RREB1: variants seen among roughly 807,000 people sequenced by gnomAD.
RREB1 encodes ras responsive element binding protein 1.
RREB1 carries 27 observed loss-of-function variants against 117.8 expected under a neutral mutation model. That is an observed-to-expected ratio of 0.23 (90% CI 0.17 to 0.32). The LOEUF (loss-of-function observed/expected upper bound fraction) is 0.32, where lower values mean the gene tolerates loss of function less well. Among genes scored for constraint, RREB1 ranks in the 10% least tolerant of loss-of-function variants. The pLI is 1.00. For synonymous variants in RREB1, 1,298 were observed against 1,026.7 expected (o/e 1.26, Z -5.05); for missense variants, 2,577 against 2,378.2 (o/e 1.08, Z -1.74).
In RREB1 at chr6:7,200,620, A is replaced by G. The variant is rs373518153; in HGVS notation, c.426-10184A>G. ...GAAAAACCTCTTGTGGCCGATGCTT[A>G]CTTTTGATTTAGAATTTCTCTCTGA... On this transcript the variant is annotated intron_variant, in intron 6 of 12. Transcript: ENST00000379938. 1.3e-4 allele frequency among the ~76,000 whole-genome samples: 20 copies of G among 152,306 alleles called. 1 individual carries two copies. In the South Asian group the frequency reaches 3.7e-3, roughly 28 times the overall value.
intron 1 of RREB1, among the ~76,000 whole-genome samples, chr6:7,121,583 TG>T: frequency 6.6e-6 from 1 of 152,226 alleles, no homozygotes; most frequent in East Asian, 1.9e-4. Flanking sequence ...TCTAATGTGT[TG>T]GGCCCTCCAC....
At chr6:7,246,294 C>G (rs1581598386) in intron 11 of RREB1, 130 bp from the exon 12 acceptor site, 4 of 743,984 alleles carry the variant, frequency 5.4e-6, no homozygotes, top group Middle Eastern at 4.1e-4. Context: ...AGGATTTGGG[C>G]CGAAAGAAGT....
At chr6:7,144,662 T>C (rs547369189) in intron 1 of RREB1, among the ~76,000 whole-genome samples, 4 of 152,176 alleles carry the variant, frequency 2.6e-5, no homozygotes, top group Non-Finnish European at 4.4e-5. Flanking sequence ...TTTTAGTTAA[T>C]GAAGTATATT....
At chr6:7,142,049 TA>T (rs5874081) in intron 1 of RREB1, among the ~76,000 whole-genome samples, 1 of 151,688 alleles carries the variant, frequency 6.6e-6, no homozygotes, top group Non-Finnish European at 1.5e-5. Flanking sequence ...CCGTCTGTAC[TA>T]AAAAAAATAC....
At chr6:7,130,763 C>T (rs1762121100) in intron 1 of RREB1, among the ~76,000 whole-genome samples, 1 of 151,498 alleles carries the variant, frequency 6.6e-6, no homozygotes, top group African/African-American at 2.4e-5. Flanking sequence ...CTTATAAGCA[C>T]CTGCCACCAC....
chr6:7,141,417 A>G (rs752779207), intron 1 of RREB1, among the ~76,000 whole-genome samples: 1 of 152,146 alleles, frequency 6.6e-6, no homozygotes, highest in Non-Finnish European at 1.5e-5. Flanking sequence ...TAAAAATAAT[A>G]AATTCCTCTT....
Position 7,181,964 on chromosome 6 carries a change from A to G in RREB1, c.53A>G (p.Asn18Ser). ...GAAGGTTCAGACCTATCTTCCATCA[A>G]CACCATGATGTCGGCGGTCATGAGT... ...GLEGSDLSSI[N>S]TMMSAVMSVG... The change falls in exon 4 of 13, where the codon AAC (asparagine) becomes AGC (serine). Residue 18 changes from asparagine (N) to serine (S), a missense_variant. Asn to Ser is a conservative substitution (Grantham distance 46). Transcript: ENST00000379938. 1 of 1,614,202 alleles carries G rather than the reference A, an allele frequency of 6.2e-7. No homozygotes were observed. The highest frequency in any genetic ancestry group is 8.5e-7 in the Non-Finnish European group (1 of 1,179,998).
At position 7,200,961 on chromosome 6, in the gene RREB1, T is replaced by C. The variant is rs534992865; in HGVS notation, c.426-9843T>C. Among the ~76,000 whole-genome samples, 7 of 152,354 alleles carry C rather than the reference T, an allele frequency of 4.6e-5. No individual in the cohort carries two copies. In the East Asian group the frequency reaches 1.3e-3, roughly 29 times the overall value. ...GTATTTTTGACATATCTTGTTGAGGTATTTCAGCAGCTCAGTCTTACCGGG... is the reference window on the plus strand; with the variant it reads ...GTATTTTTGACATATCTTGTTGAGGCATTTCAGCAGCTCAGTCTTACCGGG... On this transcript the variant is annotated intron_variant, in intron 6 of 12. Coordinates refer to ENST00000379938, the MANE Select transcript of RREB1 (RefSeq NM_001003699.4).
At chr6:7,179,111 C>T (rs1764655714) in intron 2 of RREB1, among the ~76,000 whole-genome samples, 1 of 151,932 alleles carries the variant, frequency 6.6e-6, no homozygotes. Flanking sequence ...TTATTATTTC[C>T]CTCCTCTCCA....
intron 1 of RREB1, among the ~76,000 whole-genome samples, chr6:7,116,698 G>A (rs75367307): frequency 0.039 from 5,914 of 152,288 alleles, 142 homozygotes; most frequent in Middle Eastern, 0.065. Context: ...GCAGAAGGTG[G>A]TGCTAGGTGG....
chr6:7,123,251 G>A (rs890018832), intron 1 of RREB1, among the ~76,000 whole-genome samples: 6 of 151,724 alleles, frequency 4.0e-5, no homozygotes, highest in African/African-American at 1.2e-4. Context: ...TCCACCTCCC[G>A]GGTTCAAGCG....
At chr6:7,123,180 C>CA (rs1361710848) in intron 1 of RREB1, among the ~76,000 whole-genome samples, 1 of 151,012 alleles carries the variant, frequency 6.6e-6, no homozygotes, top group African/African-American at 2.4e-5. Flanking sequence ...TTTTTGGAGA[C>CA]AGAGTCTCAC....
In RREB1 at chr6:7,246,662, C is replaced by CGGCGCGGAAGAG. The variant is rs1561809139; in HGVS notation, c.4214_4225dup (p.Gly1405_Glu1408dup). On this transcript the variant is annotated inframe_insertion, in exon 12 of 13. Coordinates refer to ENST00000379938, the MANE Select transcript of RREB1 (RefSeq NM_001003699.4). ...CTGAGGAGAGCACTGGGGACGCCGACGGCGCGGAAGAGGACGCGTCGAGCA... is the reference window on the plus strand; with the variant it reads ...CTGAGGAGAGCACTGGGGACGCCGACGGCGCGGAAGAGGGCGCGGAAGAGGACGCGTCGAGCA... The CGGCGCGGAAGAG allele has an allele frequency of 1.3e-6, 2 of 1,578,550 alleles. No individual in the cohort carries two copies. The highest frequency in any genetic ancestry group is 1.3e-5 in the African/African-American group (1 of 74,120).
At chr6:7,206,843 C>T (rs1340453453) in intron 6 of RREB1, among the ~76,000 whole-genome samples, 1 of 152,090 alleles carries the variant, frequency 6.6e-6, no homozygotes, top group East Asian at 1.9e-4. Flanking sequence ...GTCCCAGAGG[C>T]GGGAACTAGT....
Position 7,249,147 on chromosome 6 carries a change from G to A in RREB1, c.*179G>A, listed in dbSNP as rs1306126471. The A allele has an allele frequency of 8.6e-6, 5 of 579,228 alleles. No individual in the cohort carries two copies. Among genetic ancestry groups the A allele is most frequent in the African/African-American group, 1.9e-5 (1 of 53,506 alleles). 35.9% of individuals were successfully genotyped at this position (579,228 alleles called of 1,614,324 possible). On this transcript the variant is annotated 3_prime_UTR_variant, in exon 13 of 13. Coordinates refer to ENST00000379938, the MANE Select transcript of RREB1 (RefSeq NM_001003699.4). ...GCTCGCTCAGTGCCATAGCCTTACC[G>A]CAGCCTGCGCGGGAGGCCACAGCCC...
rs1411516164 is a variant in RREB1, at chr6:7,249,896, C to T, written c.*928C>T. On this transcript the variant is annotated 3_prime_UTR_variant, in exon 13 of 13. Transcript: ENST00000379938. ...AATATTTGTCCTGGGAGACCTGTGCCGCACCCAGGTCCCCGTGTTAACGTG... is the reference window on the plus strand; with the variant it reads ...AATATTTGTCCTGGGAGACCTGTGCTGCACCCAGGTCCCCGTGTTAACGTG... 2.0e-5 allele frequency: 3 copies of T among 152,488 alleles called. No individual in the cohort carries two copies. The highest frequency in any genetic ancestry group is 7.2e-5 in the African/African-American group (3 of 41,384). The allele number at this position is 152,488 out of a possible 1,614,324, so 9.4% of individuals were successfully genotyped here. A position where few individuals can be genotyped will look rare whatever the true frequency, so the allele number is the denominator to read the frequency against.
intron 1 of RREB1, among the ~76,000 whole-genome samples, chr6:7,151,381 G>A (rs1015749878): frequency 1.3e-5 from 2 of 152,158 alleles, no homozygotes; most frequent in African/African-American, 4.8e-5. Context: ...AGTGGACAAT[G>A]CCTGCTTTTA....
At chr6:7,227,678 G>A (rs369070896) in intron 9 of RREB1, among the ~76,000 whole-genome samples, 58 of 152,136 alleles carry the variant, frequency 3.8e-4, no homozygotes, top group Admixed American at 1.2e-3. Flanking sequence ...ATATTCCAGC[G>A]TTGTGGTTTC....
chr6:7,172,206 A>C (rs1764248298), intron 1 of RREB1, among the ~76,000 whole-genome samples: 1 of 151,888 alleles, frequency 6.6e-6, no homozygotes, highest in South Asian at 2.1e-4. Flanking sequence ...TGGCCTCCCA[A>C]AGTGGTGGGA....
Sources: allele counts gnomAD v4.1 joint callset (sites outside exome capture counted in the v4.1 genomes callset), GRCh38; gene constraint gnomAD v4.1.1; transcripts MANE v1.5; gene names NCBI Gene and HGNC (gene_info 2026-07-23, HGNC 2026-07-21).